Variants in DTWD2 observed in about 807,000 individuals in gnomAD.
DTWD2 encodes the protein DTW motif tRNA-uridine aminocarboxypropyltransferase 2, also known as tRNA-uridine aminocarboxypropyltransferase 2.
A neutral mutation model predicts 31.8 loss-of-function variants in DTWD2; 39 were observed. That is an observed-to-expected ratio of 1.22 (90% CI 0.95 to 1.60). The LOEUF is 1.60. Ranked by LOEUF, DTWD2 falls within the 40% of genes most tolerant of loss-of-function variation. DTWD2 has a pLI of 0.00. For missense variants in DTWD2, 515 were observed against 381.5 expected, an observed-to-expected ratio of 1.35 and a Z score of -2.92; for synonymous variants, 180 against 142.8, an observed-to-expected ratio of 1.26 and a Z score of -1.86.
chr5:118,872,479 T>G (rs1343422368), intron 4 of DTWD2, among the ~76,000 whole-genome samples: 1 of 152,196 alleles, frequency 6.6e-6, no homozygotes, highest in African/African-American at 2.4e-5. Context: ...TCTAGGATAT[T>G]AATTGGCCTA....
chr5:118,973,571 T>G (rs537936438), intron 1 of DTWD2, among the ~76,000 whole-genome samples: 69 of 150,886 alleles, frequency 4.6e-4, no homozygotes, highest in African/African-American at 1.6e-3. Context: ...TCCCACTGGC[T>G]GCTCTGAAAA....
intron 3 of DTWD2, among the ~76,000 whole-genome samples, chr5:118,929,731 C>G (rs1011811874): frequency 3.3e-5 from 5 of 152,140 alleles, no homozygotes; most frequent in Admixed American, 2.0e-4. Context: ...GTTTAGAGGG[C>G]TTGCAAACAG....
chr5:118,900,703 G>A (rs1011088300), intron 4 of DTWD2, among the ~76,000 whole-genome samples: 1 of 152,064 alleles, frequency 6.6e-6, no homozygotes, highest in Non-Finnish European at 1.5e-5. Context: ...AAGACGGGCA[G>A]ATCACAAGGT....
intron 1 of DTWD2, among the ~76,000 whole-genome samples, chr5:118,967,652 T>A (rs1489615543): frequency 6.6e-6 from 1 of 152,104 alleles, no homozygotes; most frequent in African/African-American, 2.4e-5. Flanking sequence ...AATCCAGTAA[T>A]AAAATAAATA....
At chr5:118,984,642 C>G (rs1274809265) in intron 1 of DTWD2, among the ~76,000 whole-genome samples, 2 of 152,122 alleles carry the variant, frequency 1.3e-5, no homozygotes, top group African/African-American at 4.8e-5. Flanking sequence ...GAAAAGAAAA[C>G]ACTGGAGAGA....
intron 4 of DTWD2, among the ~76,000 whole-genome samples, chr5:118,861,709 G>A (rs1279498342): frequency 6.6e-6 from 1 of 152,186 alleles, no homozygotes; most frequent in African/African-American, 2.4e-5. Flanking sequence ...CAGCAGGGGA[G>A]AAGTTCCCTG....
At chr5:118,886,463 C>T (rs1752870341) in intron 4 of DTWD2, among the ~76,000 whole-genome samples, 1 of 152,024 alleles carries the variant, frequency 6.6e-6, no homozygotes, top group Non-Finnish European at 1.5e-5. Flanking sequence ...ACAAGGAAAT[C>T]AAGTAGAGGA....
At position 118,836,900 on chromosome 5, in the gene DTWD2, G is replaced by C. The variant is rs958977095; in HGVS notation, c.*4017C>G. 6.6e-6 allele frequency among the ~76,000 whole-genome samples: 1 copy of C among 152,114 alleles called. No individual in the cohort carries two copies. Among genetic ancestry groups the C allele is most frequent in the African/African-American group, 2.4e-5 (1 of 41,422 alleles). ...GTTTTTTATAAGCTATCCAGTCTCT[G>C]GTATTCTGAGAGAGCAGCCAGAATG... On this transcript the variant is annotated 3_prime_UTR_variant, in exon 6 of 6. Transcript: ENST00000510708.
intron 5 of DTWD2, among the ~76,000 whole-genome samples, chr5:118,842,850 G>A (rs1751751097): frequency 6.6e-6 from 1 of 151,740 alleles, no homozygotes; most frequent in Admixed American, 6.6e-5. Context: ...GGGAGGCTGA[G>A]GCAGGAGGAT....
intron 5 of DTWD2, among the ~76,000 whole-genome samples, chr5:118,844,513 G>C (rs1426509854): frequency 6.6e-6 from 1 of 152,156 alleles, no homozygotes; most frequent in Non-Finnish European, 1.5e-5. Flanking sequence ...CTCTTTTTGA[G>C]TGCCTGTGTT....
At chr5:118,981,328 G>T (rs1755294570) in intron 1 of DTWD2, among the ~76,000 whole-genome samples, 1 of 152,068 alleles carries the variant, frequency 6.6e-6, no homozygotes, top group South Asian at 2.1e-4. Flanking sequence ...ACACTTAAAT[G>T]ATTAAAATGA....
chr5:118,899,220 A>G (rs974497723), intron 4 of DTWD2, among the ~76,000 whole-genome samples: 9 of 152,238 alleles, frequency 5.9e-5, no homozygotes, highest in Non-Finnish European at 1.3e-4. Context: ...GAAGACTGTG[A>G]TGTGTCTCAT....
At chr5:118,968,775 A>G (rs1271588992) in intron 1 of DTWD2, among the ~76,000 whole-genome samples, 1 of 152,222 alleles carries the variant, frequency 6.6e-6, no homozygotes, top group Non-Finnish European at 1.5e-5. Context: ...CGGGAAATCC[A>G]TCCATGCCTT....
chr5:118,986,169 G>A (rs920443241), intron 1 of DTWD2, among the ~76,000 whole-genome samples: 1 of 152,010 alleles, frequency 6.6e-6, no homozygotes, highest in African/African-American at 2.4e-5. Context: ...ACTCTGGGGA[G>A]ATCAGCCAAG....
intron 3 of DTWD2, among the ~76,000 whole-genome samples, chr5:118,936,323 G>C (rs548831283): frequency 1.1e-3 from 161 of 152,198 alleles, no homozygotes; most frequent in Non-Finnish European, 2.1e-3. Context: ...AAGATACTTT[G>C]AGGCCAGGAG....
At position 118,939,269 on chromosome 5, in the gene DTWD2, C is replaced by A; in HGVS notation, c.331G>T (p.Val111Phe). The A allele has an allele frequency of 6.3e-7, 1 of 1,586,744 alleles. No homozygotes were observed. The highest frequency in any genetic ancestry group is 8.6e-7 in the Non-Finnish European group (1 of 1,166,252). Residue 111 changes from valine (V) to phenylalanine (F), a missense_variant, in exon 3 of 6, where the codon GTT (valine) becomes TTT (phenylalanine). Physicochemically the swap from Val to Phe is conservative, Grantham distance 50 (BLOSUM62 -1). Coordinates refer to ENST00000510708, the MANE Select transcript of DTWD2 (RefSeq NM_173666.4). ...PAEENKVLRT[V>F]PLLAACLPQD... ...GGGAGGCATGCTGCTAGTAGAGGAACTGTACGCAACACTTTGTTTTCCTTT... is the reference window on the plus strand; with the variant it reads ...GGGAGGCATGCTGCTAGTAGAGGAAATGTACGCAACACTTTGTTTTCCTTT...
intron 4 of DTWD2, among the ~76,000 whole-genome samples, chr5:118,849,847 A>C (rs967381677): frequency 1.3e-5 from 2 of 152,012 alleles, no homozygotes; most frequent in Admixed American, 6.6e-5. Context: ...GGACATCAGG[A>C]GGGGAACATC....
intron 4 of DTWD2, among the ~76,000 whole-genome samples, chr5:118,896,326 C>T (rs925828738): frequency 6.6e-6 from 1 of 152,026 alleles, no homozygotes; most frequent in Non-Finnish European, 1.5e-5. Context: ...TTCCATAGTT[C>T]TTCTGGAGAA....
intron 1 of DTWD2, among the ~76,000 whole-genome samples, chr5:118,976,534 A>G (rs1315738845): frequency 1.3e-5 from 2 of 152,230 alleles, no homozygotes; most frequent in Non-Finnish European, 1.5e-5. Context: ...CAGAAATACA[A>G]ACTACCATCA....
Sources: allele counts gnomAD v4.1 joint callset (sites outside exome capture counted in the v4.1 genomes callset), GRCh38; gene constraint gnomAD v4.1.1; transcripts MANE v1.5; gene names NCBI Gene and HGNC (gene_info 2026-07-23, HGNC 2026-07-21).